SRD5A2: variants seen among roughly 807,000 people sequenced by gnomAD.
SRD5A2 encodes the protein steroid 5 alpha-reductase 2.
SRD5A2 carries 30 observed loss-of-function variants against 27.4 expected under a neutral mutation model. The ratio of observed to expected loss-of-function variants is 1.10; its 90% CI spans 0.82 to 1.49. SRD5A2 has a LOEUF of 1.49. SRD5A2 is among the 40% of genes most tolerant of loss of function. SRD5A2 has a pLI of 0.00. For synonymous variants in SRD5A2, 141 were observed against 133.6 expected (o/e 1.06, Z -0.38); for missense variants, 348 against 323.4 (o/e 1.08, Z -0.58).
At chr2:31,591,354 C>T in the SRD5A2 span, among the ~76,000 whole-genome samples, 1 of 152,106 alleles carries the variant, frequency 6.6e-6, no homozygotes, top group Non-Finnish European at 1.5e-5. Flanking sequence ...CATCACTGGC[C>T]ATCAGAGAAA....
the SRD5A2 span, among the ~76,000 whole-genome samples, chr2:31,612,628 G>A: frequency 6.6e-6 from 1 of 152,048 alleles, no homozygotes. Context: ...ATTTGTATTG[G>A]AATTCCATGT....
At chr2:31,532,400 T>C (rs1665929036) in intron 2 of SRD5A2, among the ~76,000 whole-genome samples, 2 of 132,388 alleles carry the variant, frequency 1.5e-5, no homozygotes, top group African/African-American at 2.8e-5. Context: ...CACACACACA[T>C]TCTGACATTA....
At chr2:31,546,375 G>C in intron 1 of SRD5A2, among the ~76,000 whole-genome samples, 1 of 152,102 alleles carries the variant, frequency 6.6e-6, no homozygotes, top group Middle Eastern at 3.4e-3. Context: ...TAAAGACAAA[G>C]ACATGCAATC....
chr2:31,628,491 G>A, the SRD5A2 span, among the ~76,000 whole-genome samples: 2 of 152,138 alleles, frequency 1.3e-5, no homozygotes, highest in Non-Finnish European at 2.9e-5. Flanking sequence ...GTATTGATAT[G>A]TGTGGATTCG....
chr2:31,622,083 G>C, the SRD5A2 span, among the ~76,000 whole-genome samples: 24 of 152,112 alleles, frequency 1.6e-4, no homozygotes, highest in Admixed American at 1.4e-3. Flanking sequence ...ATTACACCCA[G>C]CACCCATTAG....
At chr2:31,647,608 G>T in the SRD5A2 span, among the ~76,000 whole-genome samples, 1 of 152,156 alleles carries the variant, frequency 6.6e-6, no homozygotes, top group African/African-American at 2.4e-5. Flanking sequence ...TAAAAATGCA[G>T]TGAAAAATAA....
chr2:31,582,632 C>A (rs1356369754), upstream of SRD5A2, among the ~76,000 whole-genome samples: 1 of 152,138 alleles, frequency 6.6e-6, no homozygotes, highest in African/African-American at 2.4e-5. Context: ...ATCTAGATTG[C>A]CAGCAAAGAT....
intron 1 of SRD5A2, among the ~76,000 whole-genome samples, chr2:31,553,638 A>G (rs1666426749): frequency 6.6e-6 from 1 of 152,206 alleles, no homozygotes; most frequent in African/African-American, 2.4e-5. Flanking sequence ...ACAGCTGAAG[A>G]AAAATAAAAC....
chr2:31,576,532 CT>C (rs1666962706), intron 1 of SRD5A2, among the ~76,000 whole-genome samples: 1 of 61,616 alleles, frequency 1.6e-5, no homozygotes, highest in Non-Finnish European at 3.2e-5. Flanking sequence ...AATAGGAACA[CT>C]TTTACACTGT....
At chr2:31,565,663 C>T (rs1666715171) in intron 1 of SRD5A2, among the ~76,000 whole-genome samples, 1 of 151,770 alleles carries the variant, frequency 6.6e-6, no homozygotes, top group South Asian at 2.1e-4. Context: ...GAGGACATAC[C>T]AGTTCTGTCT....
At chr2:31,531,140 T>C (rs975962706) in intron 3 of SRD5A2, among the ~76,000 whole-genome samples, 2 of 152,224 alleles carry the variant, frequency 1.3e-5, no homozygotes, top group African/African-American at 4.8e-5. Flanking sequence ...TTCCGGGTAT[T>C]GCGGTCTCGC....
chr2:31,598,832 T>C, the SRD5A2 span, among the ~76,000 whole-genome samples: 11 of 152,070 alleles, frequency 7.2e-5, no homozygotes, highest in Middle Eastern at 3.4e-3. Context: ...AAGAATAACA[T>C]TGAATATAAA....
At chr2:31,589,118 T>C in the SRD5A2 span, among the ~76,000 whole-genome samples, 1 of 152,068 alleles carries the variant, frequency 6.6e-6, no homozygotes, top group Non-Finnish European at 1.5e-5. Context: ...AAAATCCAGA[T>C]CACAGGAGAA....
intron 1 of SRD5A2, among the ~76,000 whole-genome samples, chr2:31,554,292 A>T (rs1428393242): frequency 6.6e-6 from 1 of 152,208 alleles, no homozygotes; most frequent in Admixed American, 6.5e-5. Context: ...AAAAAAGTTG[A>T]GCCTGTCACT....
At chr2:31,547,282 G>A (rs558045552) in intron 1 of SRD5A2, among the ~76,000 whole-genome samples, 1 of 152,256 alleles carries the variant, frequency 6.6e-6, no homozygotes, top group East Asian at 1.9e-4. Flanking sequence ...CCCAGCAGCT[G>A]ATAAAGTACA....
At chr2:31,641,260 A>G in the SRD5A2 span, among the ~76,000 whole-genome samples, 1 of 152,222 alleles carries the variant, frequency 6.6e-6, no homozygotes, top group Non-Finnish European at 1.5e-5. Flanking sequence ...TCAAAGATAT[A>G]CAGAGTAAAA....
chr2:31,607,262 T>G, the SRD5A2 span, among the ~76,000 whole-genome samples: 3 of 151,850 alleles, frequency 2.0e-5, no homozygotes, highest in Non-Finnish European at 4.4e-5. Context: ...ATTTCCAAAT[T>G]TGATAAAAGG....
upstream of SRD5A2, among the ~76,000 whole-genome samples, chr2:31,584,693 C>T (rs1667146874): frequency 6.6e-6 from 1 of 152,044 alleles, no homozygotes; most frequent in African/African-American, 2.4e-5. Flanking sequence ...CAAAAATATC[C>T]AAACAGAACT....
chr2:31,582,197 C>T (rs562462021), upstream of SRD5A2, among the ~76,000 whole-genome samples: 16 of 152,250 alleles, frequency 1.1e-4, no homozygotes, highest in South Asian at 3.1e-3. Flanking sequence ...CTTTGGAGGT[C>T]TCTTCTCTTC....
Sources: allele counts gnomAD v4.1 joint callset (sites outside exome capture counted in the v4.1 genomes callset), GRCh38; gene constraint gnomAD v4.1.1; transcripts MANE v1.5; gene names NCBI Gene and HGNC (gene_info 2026-07-23, HGNC 2026-07-21).